MRTFB: variants seen among roughly 807,000 people sequenced by gnomAD.
MRTFB encodes the protein myocardin-related transcription factor B.
A neutral mutation model predicts 104.2 loss-of-function variants in MRTFB; 29 were observed. The observed-to-expected ratio is 0.28, with a 90% CI of 0.21 to 0.38. MRTFB has a LOEUF of 0.38. Among genes scored for constraint, MRTFB ranks in the 10% least tolerant of loss-of-function variants. The pLI, the probability that MRTFB is intolerant of heterozygous loss-of-function variation, is 1.00. For missense variants in MRTFB, 1,270 were observed against 1,341.6 expected (o/e 0.95, Z 0.83); for synonymous variants, 535 against 519.5 (o/e 1.03, Z -0.41).
chr16:14,186,407 A>G lies in MRTFB; in HGVS notation c.155-23836A>G, dbSNP rs376693845. Among the ~76,000 whole-genome samples the G allele has an allele frequency of 1.0e-3, 153 of 152,370 alleles. 2 individuals carry two copies. The South Asian group carries it at 0.026, about 26-fold the overall frequency. ...ATTGATGTGCTTGTCTGGTCAATAT[A>G]AAGTATTTCCATAGCCTGTGGCTGT... On this transcript the variant is annotated intron_variant, in intron 3 of 16. Coordinates refer to ENST00000571589, the MANE Select transcript of MRTFB (RefSeq NM_001308142.2).
intron 9 of MRTFB, among the ~76,000 whole-genome samples, chr16:14,238,694 G>A (rs1405552762): frequency 6.6e-6 from 1 of 152,200 alleles, no homozygotes; most frequent in Non-Finnish European, 1.5e-5. Flanking sequence ...TTATGTTGAA[G>A]AAAGTAAAGA....
chr16:14,220,134 G>T (rs935995627), intron 8 of MRTFB, among the ~76,000 whole-genome samples: 2 of 152,106 alleles, frequency 1.3e-5, no homozygotes, highest in African/African-American at 4.8e-5. Flanking sequence ...GTAGTATGAG[G>T]GTCAGTGACC....
intron 3 of MRTFB, chr16:14,142,536 C>G (rs74865954): frequency 6.6e-6 from 1 of 152,260 alleles, no homozygotes; most frequent in African/African-American, 2.4e-5. Flanking sequence ...GCGTGAGCCA[C>G]CACGCCCAGG....
intron 1 of MRTFB, among the ~76,000 whole-genome samples, chr16:14,074,945 T>C (rs1253608174): frequency 5.3e-5 from 8 of 152,206 alleles, no homozygotes; most frequent in Admixed American, 2.0e-4. Context: ...GCAGATGGTG[T>C]GGTTAGTGTG....
intron 2 of MRTFB, among the ~76,000 whole-genome samples, chr16:14,127,254 A>T (rs1251084839): frequency 6.6e-6 from 1 of 152,230 alleles, no homozygotes; most frequent in Non-Finnish European, 1.5e-5. Context: ...ATTTCAGATG[A>T]CACAAAACGG....
chr16:14,058,635 T>A, the MRTFB span, among the ~76,000 whole-genome samples: 1 of 151,954 alleles, frequency 6.6e-6, no homozygotes, highest in Non-Finnish European at 1.5e-5. Flanking sequence ...TTCTTAAGTA[T>A]TCTTCTGTGT....
intron 13 of MRTFB, 96 bp from the exon 14 acceptor site, chr16:14,251,764 GAA>G: frequency 1.5e-6 from 2 of 1,330,246 alleles, no homozygotes; most frequent in East Asian, 4.6e-5. Flanking sequence ...GCCCTTTACA[GAA>G]AAAGTTTGCT....
chr16:14,150,506 T>C (rs1251248493), intron 3 of MRTFB, among the ~76,000 whole-genome samples: 4 of 152,202 alleles, frequency 2.6e-5, no homozygotes, highest in African/African-American at 9.6e-5. Flanking sequence ...CGTTATGTAC[T>C]GTATTCTTAC....
At chr16:14,242,549 G>A (rs1353943547) in intron 10 of MRTFB, among the ~76,000 whole-genome samples, 3 of 152,128 alleles carry the variant, frequency 2.0e-5, no homozygotes, top group Non-Finnish European at 2.9e-5. Context: ...GTCATAGAGT[G>A]CCCATAGTGG....
At chr16:14,215,889 T>C (rs1270674953) in intron 6 of MRTFB, among the ~76,000 whole-genome samples, 1 of 152,266 alleles carries the variant, frequency 6.6e-6, no homozygotes, top group African/African-American at 2.4e-5. Context: ...TTGCAATCTT[T>C]TTCTCAAATT....
intron 3 of MRTFB, among the ~76,000 whole-genome samples, chr16:14,195,054 T>C (rs143154859): frequency 6.6e-6 from 1 of 152,346 alleles, no homozygotes; most frequent in East Asian, 1.9e-4. Context: ...GAGGTGCAAG[T>C]ATCCAGTGTC....
At chr16:14,117,191 C>G (rs1355983996) in intron 2 of MRTFB, among the ~76,000 whole-genome samples, 6 of 152,230 alleles carry the variant, frequency 3.9e-5, no homozygotes, top group Non-Finnish European at 8.8e-5. Flanking sequence ...ATCTCCTGAT[C>G]TGCTGGAGGC....
chr16:14,259,595 C>T lies in MRTFB; in HGVS notation c.2765-1314C>T, dbSNP rs937729771. 2.6e-5 allele frequency among the ~76,000 whole-genome samples: 4 copies of T among 152,044 alleles called. No homozygotes were observed. The East Asian group carries it at 5.8e-4, about 22-fold the overall frequency. ...GGCCAACATGGTGAAACTAAAAATA[C>T]AACAATTAGCTGGGCATGGTGGAGG... On this transcript the variant is annotated intron_variant, in intron 16 of 16. Coordinates refer to ENST00000571589, the MANE Select transcript of MRTFB (RefSeq NM_001308142.2).
chr16:14,155,261 C>G (rs1262117173), intron 3 of MRTFB, among the ~76,000 whole-genome samples: 3 of 151,758 alleles, frequency 2.0e-5, no homozygotes, highest in Admixed American at 1.3e-4. Context: ...TGCTGTTAAT[C>G]CCACCCAATA....
At chr16:14,036,288 A>T in the MRTFB span, among the ~76,000 whole-genome samples, 3 of 51,106 alleles carry the variant, frequency 5.9e-5, no homozygotes, top group African/African-American at 1.0e-4. Context: ...TATGTATTTT[A>T]TATATATTTA....
chr16:14,140,491 A>G, intron 2 of MRTFB, 53 bp from the exon 3 acceptor site: 1 of 1,329,970 alleles, frequency 7.5e-7, no homozygotes, highest in African/African-American at 1.5e-5. Context: ...ACTTTTGTGC[A>G]AATTGGAGAA....
the MRTFB span, among the ~76,000 whole-genome samples, chr16:14,049,950 C>A: frequency 1.3e-5 from 2 of 152,174 alleles, no homozygotes; most frequent in Admixed American, 6.5e-5. Context: ...CCAGGCTGGT[C>A]TCAAACTCCT....
intron 2 of MRTFB, among the ~76,000 whole-genome samples, chr16:14,114,209 T>G (rs1050799648): frequency 2.0e-5 from 3 of 152,254 alleles, no homozygotes; most frequent in Non-Finnish European, 1.5e-5. Context: ...AAATTTATTA[T>G]TTTAAAATGC....
chr16:14,171,477 C>T (rs904190962), intron 3 of MRTFB, among the ~76,000 whole-genome samples: 9 of 149,712 alleles, frequency 6.0e-5, no homozygotes, highest in Admixed American at 2.7e-4. Flanking sequence ...CCAGCCTGGG[C>T]GACAGAGTGA....
Sources: allele counts gnomAD v4.1 joint callset (sites outside exome capture counted in the v4.1 genomes callset), GRCh38; gene constraint gnomAD v4.1.1; transcripts MANE v1.5; gene names NCBI Gene and HGNC (gene_info 2026-07-23, HGNC 2026-07-21).